HTR1F: variants seen among roughly 807,000 people sequenced by gnomAD.
HTR1F encodes 5-hydroxytryptamine receptor 1F.
HTR1F carries 17 observed loss-of-function variants against 24.0 expected under a neutral mutation model. That is an observed-to-expected ratio of 0.71 (90% CI 0.48 to 1.06). The LOEUF (loss-of-function observed/expected upper bound fraction) is 1.06. HTR1F is among the 50% of genes least tolerant of loss of function. The probability of loss-of-function intolerance (pLI) is 0.00; values close to 1 mark genes in which losing one functional copy is unlikely to be tolerated. For missense variants in HTR1F, 391 were observed against 427.8 expected (o/e 0.91, Z 0.76); for synonymous variants, 186 against 156.8 (o/e 1.19, Z -1.39).
At chr3:87,801,580 G>T (rs2107067693) in intron 1 of HTR1F, among the ~76,000 whole-genome samples, 1 of 152,296 alleles carries the variant, frequency 6.6e-6, no homozygotes, top group African/African-American at 2.4e-5. Flanking sequence ...CTTGAAGCAA[G>T]GGCAGGAGGA....
intron 2 of HTR1F, among the ~76,000 whole-genome samples, chr3:87,888,100 A>C (rs1424476452): frequency 6.6e-6 from 1 of 152,246 alleles, no homozygotes. Flanking sequence ...CTGGATTAAG[A>C]AAATGTGGCA....
chr3:87,968,987 C>G (rs568724653), intron 2 of HTR1F, among the ~76,000 whole-genome samples: 5 of 152,358 alleles, frequency 3.3e-5, no homozygotes, highest in East Asian at 1.9e-4. Flanking sequence ...GGTGCAAGCA[C>G]CAAGCCTTGG....
At chr3:87,800,866 C>G (rs946141592) in intron 1 of HTR1F, among the ~76,000 whole-genome samples, 3 of 152,104 alleles carry the variant, frequency 2.0e-5, no homozygotes, top group African/African-American at 7.2e-5. Flanking sequence ...AATTAAAAGA[C>G]AAAATAAAAC....
At chr3:87,968,141 C>T (rs1315720273) in intron 2 of HTR1F, among the ~76,000 whole-genome samples, 3 of 152,158 alleles carry the variant, frequency 2.0e-5, no homozygotes, top group African/African-American at 7.2e-5. Context: ...AGACTGGTGA[C>T]ATTTTGCCCC....
chr3:87,961,313 T>C (rs1315734357), intron 2 of HTR1F, among the ~76,000 whole-genome samples: 1 of 152,030 alleles, frequency 6.6e-6, no homozygotes, highest in Non-Finnish European at 1.5e-5. Flanking sequence ...TGCTCCTCCT[T>C]GTCATTGGAA....
chr3:87,829,450 A>C (rs1468935485), intron 2 of HTR1F, among the ~76,000 whole-genome samples: 2 of 152,220 alleles, frequency 1.3e-5, no homozygotes, highest in African/African-American at 4.8e-5. Flanking sequence ...ATTGAAATCC[A>C]AGTCCTCCAA....
chr3:87,914,816 C>T (rs1703856965), intron 2 of HTR1F, among the ~76,000 whole-genome samples: 1 of 152,080 alleles, frequency 6.6e-6, no homozygotes, highest in Non-Finnish European at 1.5e-5. Context: ...CCCCACCCAC[C>T]ACTATTTCCT....
intron 2 of HTR1F, among the ~76,000 whole-genome samples, chr3:87,829,765 A>G (rs905688537): frequency 1.3e-5 from 2 of 152,262 alleles, no homozygotes; most frequent in African/African-American, 4.8e-5. Flanking sequence ...TGCAAAAATA[A>G]TGATGTTACT....
At chr3:87,936,879 G>C (rs934560177) in intron 2 of HTR1F, among the ~76,000 whole-genome samples, 1 of 150,110 alleles carries the variant, frequency 6.7e-6, no homozygotes, top group Non-Finnish European at 1.5e-5. Context: ...AAATCTAGAA[G>C]AGACAAAGAA....
At chr3:87,943,235 C>T (rs540844781) in intron 2 of HTR1F, among the ~76,000 whole-genome samples, 12 of 151,818 alleles carry the variant, frequency 7.9e-5, no homozygotes, top group Admixed American at 3.3e-4. Flanking sequence ...TACCAGAGAT[C>T]GCCAAACTCT....
intron 2 of HTR1F, among the ~76,000 whole-genome samples, chr3:87,988,608 GT>G (rs1244482375): frequency 6.6e-6 from 1 of 152,150 alleles, no homozygotes; most frequent in Non-Finnish European, 1.5e-5. Context: ...GTTTGAGATG[GT>G]GTATCGCTCT....
chr3:87,841,130 GC>G (rs139389370), intron 2 of HTR1F, among the ~76,000 whole-genome samples: 7,769 of 151,864 alleles, frequency 0.051, 260 homozygotes, highest in Middle Eastern at 0.089. Context: ...ATGCTTATTA[GC>G]CGGATTTAAT....
At chr3:87,952,352 C>A (rs1013549781) in intron 2 of HTR1F, among the ~76,000 whole-genome samples, 1 of 151,956 alleles carries the variant, frequency 6.6e-6, no homozygotes, top group Non-Finnish European at 1.5e-5. Context: ...CCCCAAAGAG[C>A]AACTGAGGCT....
chr3:87,902,069 C>T (rs1450562695), intron 2 of HTR1F, among the ~76,000 whole-genome samples: 1 of 151,964 alleles, frequency 6.6e-6, no homozygotes, highest in Non-Finnish European at 1.5e-5. Flanking sequence ...AAAATTATTT[C>T]AGTTGAATTT....
chr3:87,937,199 T>C (rs1006679226), intron 2 of HTR1F, among the ~76,000 whole-genome samples: 3 of 151,140 alleles, frequency 2.0e-5, no homozygotes, highest in African/African-American at 7.3e-5. Context: ...CAAGCCAATA[T>C]CCTTGGTAAA....
intron 2 of HTR1F, among the ~76,000 whole-genome samples, chr3:87,977,108 G>C (rs192917476): frequency 9.2e-5 from 14 of 152,166 alleles, no homozygotes; most frequent in Non-Finnish European, 1.6e-4. Flanking sequence ...ACATATTGTA[G>C]AATTAGAAAA....
chr3:87,892,858 T>C (rs1436856995), intron 2 of HTR1F, among the ~76,000 whole-genome samples: 5 of 152,132 alleles, frequency 3.3e-5, no homozygotes, highest in South Asian at 4.1e-4. Context: ...AATATCACAA[T>C]TGTTAAATAA....
chr3:87,955,481 A>G (rs1449760207), intron 2 of HTR1F, among the ~76,000 whole-genome samples: 1 of 151,508 alleles, frequency 6.6e-6, no homozygotes, highest in Non-Finnish European at 1.5e-5. Flanking sequence ...GTTTGAGGCT[A>G]TTATGAATAC....
chr3:87,946,864 A>G (rs1225746680), intron 2 of HTR1F, among the ~76,000 whole-genome samples: 1 of 152,080 alleles, frequency 6.6e-6, no homozygotes, highest in African/African-American at 2.4e-5. Flanking sequence ...TGACCTCATG[A>G]TCTGCCCGCC....
Sources: allele counts gnomAD v4.1 joint callset (sites outside exome capture counted in the v4.1 genomes callset), GRCh38; gene constraint gnomAD v4.1.1; transcripts MANE v1.5; gene names NCBI Gene and HGNC (gene_info 2026-07-23, HGNC 2026-07-21).